CCBE1: variants seen among roughly 807,000 people sequenced by gnomAD.
CCBE1 encodes collagen and calcium-binding EGF domain-containing protein 1.
In CCBE1, 37 loss-of-function variants were observed where a neutral mutation model predicts 50.0. The observed-to-expected ratio is 0.74, with a 90% CI of 0.57 to 0.97. The LOEUF is 0.97. CCBE1 is among the 50% of genes least tolerant of loss of function. CCBE1 has a pLI of 0.00. For synonymous variants in CCBE1, 234 were observed against 203.7 expected (o/e 1.15, Z -1.27); for missense variants, 538 against 523.8 (o/e 1.03, Z -0.26).
At chr18:59,443,801 G>C (rs1042226670) in intron 7 of CCBE1, among the ~76,000 whole-genome samples, 1 of 152,064 alleles carries the variant, frequency 6.6e-6, no homozygotes, top group Non-Finnish European at 1.5e-5. Context: ...GTAGTGTTTA[G>C]TAATGCTAAG....
chr18:59,628,243 C>A (rs2053811944), intron 2 of CCBE1, among the ~76,000 whole-genome samples: 2 of 152,106 alleles, frequency 1.3e-5, no homozygotes, highest in Admixed American at 1.3e-4. Context: ...TTCAGACTTC[C>A]ATCTTTTTGG....
At chr18:59,443,491 G>A (rs183687928) in intron 7 of CCBE1, among the ~76,000 whole-genome samples, 514 of 150,084 alleles carry the variant, frequency 3.4e-3, no homozygotes, top group African/African-American at 0.011. Flanking sequence ...TTTTGAGATG[G>A]AGTCTTGCTC....
At chr18:59,536,662 G>C (rs1331270733) in intron 2 of CCBE1, among the ~76,000 whole-genome samples, 1 of 152,054 alleles carries the variant, frequency 6.6e-6, no homozygotes, top group Non-Finnish European at 1.5e-5. Flanking sequence ...TATTCAACAG[G>C]CATCTCCATT....
intron 2 of CCBE1, among the ~76,000 whole-genome samples, chr18:59,525,417 GA>G (rs1417745256): frequency 3.9e-5 from 6 of 152,228 alleles, no homozygotes; most frequent in Middle Eastern, 3.4e-3. Context: ...TTTTTAATTA[GA>G]TTTTTTTTCC....
At chr18:59,480,032 CG>C (rs2032017626) in intron 3 of CCBE1, among the ~76,000 whole-genome samples, 153 bp downstream of exon 3, 1 of 152,102 alleles carries the variant, frequency 6.6e-6, no homozygotes, top group Admixed American at 6.5e-5. Context: ...ACAAAATTGG[CG>C]TCAGAAAAAT....
rs188591176 is a variant in CCBE1, at chr18:59,654,736, G to A, written c.212+41893C>T. Among the ~76,000 whole-genome samples, 56 of 147,380 alleles carry A rather than the reference G, an allele frequency of 3.8e-4. 1 individual carries two copies. The East Asian group carries it at 9.7e-3, about 25-fold the overall frequency. On this transcript the variant is annotated intron_variant, in intron 2 of 10. Coordinates refer to ENST00000439986, the MANE Select transcript of CCBE1 (RefSeq NM_133459.4). ...GAACCCAGGAGGTGGAAGTTGCAGT[G>A]AGCCAAGATCGTGCCACTGCGCTCC...
chr18:59,532,759 C>T (rs148634860), intron 2 of CCBE1, among the ~76,000 whole-genome samples: 5 of 152,324 alleles, frequency 3.3e-5, no homozygotes, highest in African/African-American at 9.6e-5. Context: ...CTTTCTACCA[C>T]GTGAAGTCAC....
At chr18:59,578,843 A>G (rs1197198927) in intron 2 of CCBE1, among the ~76,000 whole-genome samples, 2 of 152,206 alleles carry the variant, frequency 1.3e-5, no homozygotes, top group Non-Finnish European at 2.9e-5. Flanking sequence ...AGAAATACCT[A>G]ATGTAGATGA....
chr18:59,644,978 A>G (rs7236833), intron 2 of CCBE1, among the ~76,000 whole-genome samples: 55,312 of 152,170 alleles, frequency 0.36, 11,651 homozygotes, highest in African/African-American at 0.58. Flanking sequence ...ACCCTTGGCC[A>G]GATGCAGTGG....
chr18:59,438,063 T>A, intron 10 of CCBE1, 48 bp downstream of exon 10: 1 of 1,597,086 alleles, frequency 6.3e-7, no homozygotes, highest in South Asian at 1.1e-5. Context: ...CAGAGCTGCA[T>A]CCCTGAGAAC....
At chr18:59,453,992 C>CATCCTT (rs1412765074) in intron 6 of CCBE1, among the ~76,000 whole-genome samples, 4 of 152,124 alleles carry the variant, frequency 2.6e-5, no homozygotes, top group African/African-American at 9.7e-5. Context: ...CATTAGTCCT[C>CATCCTT]ATCCTTGGTG....
chr18:59,576,318 G>C (rs2052994709), intron 2 of CCBE1, among the ~76,000 whole-genome samples: 1 of 152,336 alleles, frequency 6.6e-6, no homozygotes, highest in South Asian at 2.1e-4. Context: ...CTTGATGAGT[G>C]TGAAATTGAA....
At chr18:59,465,795 AT>A (rs1911714069) in intron 5 of CCBE1, 1 of 152,066 alleles carries the variant, frequency 6.6e-6, no homozygotes, top group African/African-American at 2.4e-5. Context: ...ATTTCAGCCC[AT>A]TTTCTTTGGG....
chr18:59,454,882 A>G lies in CCBE1; in HGVS notation c.623T>C (p.Met208Thr), dbSNP rs751964132. 6.2e-7 allele frequency: 1 copy of G among 1,614,204 alleles called. No homozygotes were observed. Among genetic ancestry groups the G allele is most frequent in the Admixed American group, 1.7e-5 (1 of 60,020 alleles). Residue 208 changes from methionine (M) to threonine (T), a missense_variant, in exon 6 of 11, where the codon ATG (methionine) becomes ACG (threonine). Transcript: ENST00000439986. ...CCATCKEFYQ[M>T]KQTVLQLKQK... ...CTTCAGCTGCAGCACGGTCTGCTTC[A>G]TCTGGTAGAACTCCTTGCATGTGGC...
chr18:59,489,071 A>G (rs1912966388), intron 2 of CCBE1, among the ~76,000 whole-genome samples: 1 of 152,224 alleles, frequency 6.6e-6, no homozygotes, highest in Non-Finnish European at 1.5e-5. Context: ...AGACACAATA[A>G]TTTTACTGGC....
At chr18:59,673,071 C>T (rs1398304696) in intron 2 of CCBE1, among the ~76,000 whole-genome samples, 1 of 152,154 alleles carries the variant, frequency 6.6e-6, no homozygotes, top group African/African-American at 2.4e-5. Context: ...CAACATGGCT[C>T]CACCGCTGGT....
At chr18:59,566,959 G>T (rs1292706153) in intron 2 of CCBE1, among the ~76,000 whole-genome samples, 1 of 152,096 alleles carries the variant, frequency 6.6e-6, no homozygotes, top group East Asian at 1.9e-4. Context: ...TTTAAAGAAC[G>T]AGCCTCATAA....
intron 2 of CCBE1, among the ~76,000 whole-genome samples, chr18:59,667,142 G>C (rs1346721005): frequency 6.6e-6 from 1 of 151,922 alleles, no homozygotes; most frequent in Admixed American, 6.6e-5. Flanking sequence ...GGTGGCATAC[G>C]TCTATAGTCC....
intron 2 of CCBE1, among the ~76,000 whole-genome samples, chr18:59,614,744 C>T (rs146557071): frequency 3.9e-5 from 6 of 152,350 alleles, no homozygotes; most frequent in African/African-American, 1.2e-4. Context: ...AAGACTTTGT[C>T]GTCACAGTCC....
Sources: gnomAD v4.1 joint callset for allele counts (sites outside exome capture counted in the v4.1 genomes callset) on GRCh38, gnomAD v4.1.1 for gene constraint, MANE v1.5 for transcripts, NCBI Gene and HGNC (gene_info 2026-07-23, HGNC 2026-07-21) for gene names.